CDK12: variants seen among roughly 807,000 people sequenced by gnomAD.
The protein encoded by CDK12 is cyclin-dependent kinase 12.
CDK12 carries 17 observed loss-of-function variants against 133.8 expected under a neutral mutation model. The observed-to-expected ratio is 0.13, with a 90% CI of 0.09 to 0.19. The LOEUF (loss-of-function observed/expected upper bound fraction) is 0.19. Among genes scored for constraint, CDK12 ranks in the 10% least tolerant of loss-of-function variants. CDK12 has a pLI of 1.00. For synonymous variants in CDK12, 694 were observed against 683.6 expected (o/e 1.02, Z -0.24); for missense variants, 1,508 against 1,818.7 (o/e 0.83, Z 3.11).
Position 39,468,807 on chromosome 17 carries a change from AT to A in CDK12, c.1047-2069del, listed in dbSNP as rs1273581729. Among the ~76,000 whole-genome samples, 492 of 147,300 alleles carry A rather than the reference AT, an allele frequency of 3.3e-3. 4 individuals are homozygous for A. In the Middle Eastern group the frequency reaches 0.052, roughly 16 times the overall value. Reference sequence around the variant, plus strand: ...TGTTTTTATTTTAATTAATTAATTAATTTATTTATTTATTTATTTATTTTGA... The same window carrying A: ...TGTTTTTATTTTAATTAATTAATTAATTATTTATTTATTTATTTATTTTGA... On this transcript the variant is annotated intron_variant, in intron 1 of 13. Transcript: ENST00000447079.
At chr17:39,528,169 C>T (rs2054607153) in intron 13 of CDK12, among the ~76,000 whole-genome samples, 1 of 152,052 alleles carries the variant, frequency 6.6e-6, no homozygotes, top group African/African-American at 2.4e-5. Context: ...ATCCACCCGC[C>T]TTAGCCTCCC....
chr17:39,461,629 C>G lies in CDK12; in HGVS notation c.-443C>G, dbSNP rs2048967484. 1 of 270,280 alleles carries G rather than the reference C, an allele frequency of 3.7e-6. No homozygotes were observed. The highest frequency in any genetic ancestry group is 4.7e-5 in the Admixed American group (1 of 21,332). 16.7% of individuals were successfully genotyped at this position (270,280 alleles called of 1,614,324 possible). On this transcript the variant is annotated 5_prime_UTR_variant, in exon 1 of 14. Transcript: ENST00000447079. ...GGGGCGTGAGGCACCTAGGCCGCGGCACCCCGGCGACAGGAAGCCGTCCTG... is the reference window on the plus strand; with the variant it reads ...GGGGCGTGAGGCACCTAGGCCGCGGGACCCCGGCGACAGGAAGCCGTCCTG...
chr17:39,521,723 C>G (rs1361878995), intron 11 of CDK12, among the ~76,000 whole-genome samples: 5 of 151,954 alleles, frequency 3.3e-5, no homozygotes, highest in Non-Finnish European at 7.4e-5. Context: ...CCACGCCCGA[C>G]TAATTTTTTT....
At chr17:39,486,140 A>T (rs1448194830) in intron 2 of CDK12, among the ~76,000 whole-genome samples, 1 of 150,336 alleles carries the variant, frequency 6.7e-6, no homozygotes, top group Non-Finnish European at 1.5e-5. Context: ...TTTAGTAGAG[A>T]TGCGGTTTCA....
intron 1 of CDK12, among the ~76,000 whole-genome samples, chr17:39,463,994 A>G (rs2049123355): frequency 6.6e-6 from 1 of 152,026 alleles, no homozygotes; most frequent in African/African-American, 2.4e-5. Flanking sequence ...TGGAATCCTA[A>G]TGTTGCTTTG....
chr17:39,549,285 T>G (rs2055855451), upstream of CDK12: 1 of 152,216 alleles, frequency 6.6e-6, no homozygotes, highest in Non-Finnish European at 1.5e-5. Context: ...AGGAGAGCGG[T>G]CAGTGCTCAT....
At chr17:39,526,762 A>G (rs191387606) in intron 13 of CDK12, among the ~76,000 whole-genome samples, 2 of 152,356 alleles carry the variant, frequency 1.3e-5, no homozygotes, top group African/African-American at 4.8e-5. Flanking sequence ...GATACAATCA[A>G]GAAAACCCTA....
intron 2 of CDK12, among the ~76,000 whole-genome samples, chr17:39,471,981 A>G (rs1378557258): frequency 6.6e-6 from 1 of 151,844 alleles, no homozygotes; most frequent in Non-Finnish European, 1.5e-5. Context: ...TATTTTATTT[A>G]TTTTGTATTT....
intron 3 of CDK12, among the ~76,000 whole-genome samples, chr17:39,563,776 G>GGAGAGT (rs1022128695): frequency 5.9e-5 from 9 of 151,498 alleles, no homozygotes; most frequent in African/African-American, 2.2e-4. Flanking sequence ...GAAGGGAGAG[G>GGAGAGT]GAGAGTGAGA....
intron 5 of CDK12, among the ~76,000 whole-genome samples, chr17:39,499,215 T>A (rs1440490140): frequency 9.5e-6 from 1 of 104,832 alleles, no homozygotes; most frequent in East Asian, 2.6e-4. Context: ...TTCCTTTTTT[T>A]TTTTTTTTTG....
intron 2 of CDK12, among the ~76,000 whole-genome samples, chr17:39,556,054 A>G (rs1456901854): frequency 4.0e-5 from 6 of 151,444 alleles, no homozygotes; most frequent in Non-Finnish European, 7.4e-5. Context: ...AAAAAAAAGA[A>G]AACATGCCAC....
intron 5 of CDK12, among the ~76,000 whole-genome samples, chr17:39,498,736 G>T (rs1191757160): frequency 2.0e-5 from 3 of 151,718 alleles, no homozygotes; most frequent in Non-Finnish European, 4.4e-5. Context: ...TCACTATTTT[G>T]CCCAGTCTGG....
In CDK12 at chr17:39,533,581, T is replaced by A; in HGVS notation, c.*2265T>A. 4.3e-6 allele frequency: 1 copy of A among 233,266 alleles called. No individual in the cohort carries two copies. The highest frequency in any genetic ancestry group is 8.5e-6 in the Non-Finnish European group (1 of 117,962). The allele number at this position is 233,266 out of a possible 1,614,324, so 14.4% of individuals were successfully genotyped here. On this transcript the variant is annotated 3_prime_UTR_variant, in exon 14 of 14. Transcript: ENST00000447079. ...GTTATCAGCAGTCATCAATAATGTT[T>A]TTCCCTCCCCTCTCCCACCTCTTAT...
chr17:39,498,529 C>T (rs541729845), intron 5 of CDK12, among the ~76,000 whole-genome samples: 45 of 152,058 alleles, frequency 3.0e-4, no homozygotes, highest in African/African-American at 1.0e-3. Context: ...GGCCATCCTT[C>T]TCTTTTTGAA....
chr17:39,463,172 G>A (rs915002555), intron 1 of CDK12, 55 bp downstream of exon 1: 14 of 1,487,674 alleles, frequency 9.4e-6, no homozygotes, highest in Admixed American at 1.8e-5. Context: ...CGAGGAATTG[G>A]CATTCAGCGT....
rs1164571482 is a variant in CDK12, at chr17:39,492,856, T to C, written c.2214T>C (p.Tyr738=). ...TTGGGATTATTGGAGAAGGAACCTA[T>C]GGCCAAGTATATAAAGCCAAGGACA... ...DIIGIIGEGT[Y]GQVYKAKDKD... The change falls in exon 4 of 14, where the codon TAT becomes TAC. Residue 738 remains tyrosine (Y), a synonymous_variant. Coordinates refer to ENST00000447079, the MANE Select transcript of CDK12 (RefSeq NM_016507.4). 1 of 1,613,290 alleles carries C rather than the reference T, an allele frequency of 6.2e-7. No homozygotes were observed. Among genetic ancestry groups the C allele is most frequent in the Admixed American group, 1.7e-5 (1 of 59,894 alleles).
upstream of CDK12, among the ~76,000 whole-genome samples, chr17:39,544,587 C>T (rs554250850): frequency 2.3e-4 from 35 of 149,382 alleles, no homozygotes; most frequent in African/African-American, 7.4e-4. Context: ...AAGTGATTCT[C>T]GTGCCTCAGC....
chr17:39,565,591 G>A (rs1420574571), downstream of CDK12, among the ~76,000 whole-genome samples: 3 of 152,002 alleles, frequency 2.0e-5, no homozygotes, highest in South Asian at 6.2e-4. Context: ...GCACCACCAC[G>A]CCCAGCTAAT....
At position 39,462,524 on chromosome 17, in the gene CDK12, AAAGCGTTCG is replaced by A; in HGVS notation, c.456_464del (p.Lys152_Ser154del). 1.2e-6 allele frequency: 2 copies of A among 1,614,196 alleles called. No individual in the cohort carries two copies. Among genetic ancestry groups the A allele is most frequent in the Non-Finnish European group, 1.7e-6 (2 of 1,180,044 alleles). ...TGAAGGACCGGATATCGGGAAGTTCAAAGCGTTCGAATGAGGAGACTGATGACTATGGGA... is the reference window on the plus strand; with the variant it reads ...TGAAGGACCGGATATCGGGAAGTTCAAATGAGGAGACTGATGACTATGGGA... On this transcript the variant is annotated inframe_deletion, in exon 1 of 14. Transcript: ENST00000447079.
Sources: allele counts gnomAD v4.1 joint callset (sites outside exome capture counted in the v4.1 genomes callset), GRCh38; gene constraint gnomAD v4.1.1; transcripts MANE v1.5; gene names NCBI Gene and HGNC (gene_info 2026-07-23, HGNC 2026-07-21).